The following GPHN variants were observed in gnomAD, a reference collection of about 807,000 sequenced individuals.
The protein encoded by GPHN is gephyrin.
A neutral mutation model predicts 95.5 loss-of-function variants in GPHN; 17 were observed. The observed-to-expected ratio is 0.18, with a 90% CI of 0.12 to 0.27. GPHN has a LOEUF of 0.27. Among genes scored for constraint, GPHN ranks in the 10% least tolerant of loss-of-function variants. The pLI, the probability that GPHN is intolerant of heterozygous loss-of-function variation, is 1.00. For missense variants in GPHN, 660 were observed against 978.1 expected (o/e 0.67, Z 4.34); for synonymous variants, 320 against 322.5 (o/e 0.99, Z 0.08).
At chr14:67,692,999 A>G in the GPHN span, 2 of 1,614,088 alleles carry the variant, frequency 1.2e-6, no homozygotes, top group Non-Finnish European at 1.7e-6. Context: ...GACCACAACT[A>G]CTTTCCCAGG....
At chr14:67,221,622 G>A in the GPHN span, 2 of 597,196 alleles carry the variant, frequency 3.3e-6, no homozygotes, top group South Asian at 7.4e-5. Context: ...ATTCTCATAT[G>A]TTCTATAATC....
intron 1 of GPHN, among the ~76,000 whole-genome samples, chr14:66,595,330 A>T (rs2061928126): frequency 6.6e-6 from 1 of 152,222 alleles, no homozygotes. Context: ...TCAGTATCTC[A>T]AAGAGATGCC....
At chr14:66,896,108 A>T (rs1374255206) in intron 5 of GPHN, among the ~76,000 whole-genome samples, 1 of 151,902 alleles carries the variant, frequency 6.6e-6, no homozygotes, top group Non-Finnish European at 1.5e-5. Flanking sequence ...CACTAATACC[A>T]CTCATGAGGA....
At chr14:67,446,127 G>A in the GPHN span, 1 of 490,298 alleles carries the variant, frequency 2.0e-6, no homozygotes, top group South Asian at 1.5e-5. Flanking sequence ...TGAAAAAGAA[G>A]AGGCAGGACC....
At chr14:66,767,858 G>A (rs1466501875) in intron 2 of GPHN, among the ~76,000 whole-genome samples, 1 of 151,904 alleles carries the variant, frequency 6.6e-6, no homozygotes, top group Non-Finnish European at 1.5e-5. Context: ...AATAATTGCA[G>A]TTATCAATAG....
chr14:66,623,181 A>C (rs1361312647), intron 1 of GPHN, among the ~76,000 whole-genome samples: 1 of 152,154 alleles, frequency 6.6e-6, no homozygotes, highest in Non-Finnish European at 1.5e-5. Context: ...GTGGACAAAG[A>C]GAGAACTTGT....
intron 1 of GPHN, among the ~76,000 whole-genome samples, chr14:66,541,468 G>T (rs2059350098): frequency 6.6e-6 from 1 of 152,144 alleles, no homozygotes; most frequent in South Asian, 2.1e-4. Context: ...GTTCAAGTGG[G>T]TTAACTAGAC....
chr14:66,779,620 T>C (rs1379650524), intron 3 of GPHN, among the ~76,000 whole-genome samples: 2 of 152,010 alleles, frequency 1.3e-5, no homozygotes, highest in African/African-American at 4.8e-5. Context: ...ACCTGGACAT[T>C]GGAAAAAGTA....
chr14:67,562,415 G>C, the GPHN span: 36 of 1,613,918 alleles, frequency 2.2e-5, no homozygotes, highest in Middle Eastern at 1.7e-4. Flanking sequence ...TCTGGGAAGA[G>C]AGAGCCCTCC....
the GPHN span, among the ~76,000 whole-genome samples, chr14:67,622,855 C>G: frequency 1.2e-4 from 19 of 152,196 alleles, no homozygotes; most frequent in African/African-American, 3.1e-4. Context: ...ACCTCTATAA[C>G]AATCAGCTGA....
intron 1 of GPHN, among the ~76,000 whole-genome samples, chr14:66,546,217 G>T (rs1214751591): frequency 3.3e-5 from 5 of 151,794 alleles, no homozygotes; most frequent in Non-Finnish European, 5.9e-5. Flanking sequence ...TGGGATGGTG[G>T]CTGGGAAGAG....
chr14:67,392,183 T>A, the GPHN span: 1 of 648,148 alleles, frequency 1.5e-6, no homozygotes, highest in African/African-American at 1.8e-5. Context: ...TCCTGGAGGC[T>A]GGTGCTGGGC....
At chr14:66,551,534 T>C (rs1222811569) in intron 1 of GPHN, among the ~76,000 whole-genome samples, 1 of 152,240 alleles carries the variant, frequency 6.6e-6, no homozygotes, top group Admixed American at 6.5e-5. Flanking sequence ...TCTTCGGATA[T>C]TCACATTGTG....
the GPHN span, among the ~76,000 whole-genome samples, chr14:67,427,521 A>G: frequency 7.9e-3 from 1,206 of 152,276 alleles, 21 homozygotes; most frequent in African/African-American, 0.028. Context: ...TGCCGCGAAC[A>G]CACTCAGGTG....
chr14:67,292,637 T>C, the GPHN span: 1 of 1,613,850 alleles, frequency 6.2e-7, no homozygotes, highest in Non-Finnish European at 8.5e-7. Flanking sequence ...GCATTTAAGA[T>C]ACACAATGCC....
At chr14:67,190,311 C>T in the GPHN span, among the ~76,000 whole-genome samples, 1 of 151,356 alleles carries the variant, frequency 6.6e-6, no homozygotes, top group Non-Finnish European at 1.5e-5. Context: ...GCAACCTCCA[C>T]CTCCCAGGTT....
chr14:67,424,285 AG>A, the GPHN span, among the ~76,000 whole-genome samples: 1 of 151,870 alleles, frequency 6.6e-6, no homozygotes. Flanking sequence ...AAAAATAAAA[AG>A]GGGAGAGGAG....
chr14:67,080,500 T>C (rs532082682), intron 11 of GPHN, among the ~76,000 whole-genome samples: 3 of 152,294 alleles, frequency 2.0e-5, no homozygotes, highest in Non-Finnish European at 4.4e-5. Flanking sequence ...TTGAATGTCA[T>C]GAACTACTTC....
chr14:67,353,106 C>A, the GPHN span: 1 of 1,230,824 alleles, frequency 8.1e-7, no homozygotes, highest in Non-Finnish European at 1.2e-6. Flanking sequence ...AAAACCCTCC[C>A]CACCAGTGTT....
Sources: allele counts gnomAD v4.1 joint callset (sites outside exome capture counted in the v4.1 genomes callset), GRCh38; gene constraint gnomAD v4.1.1; transcripts MANE v1.5; gene names NCBI Gene and HGNC (gene_info 2026-07-23, HGNC 2026-07-21).